ZCCHC7: variants seen among roughly 807,000 people sequenced by gnomAD.
The protein encoded by ZCCHC7 is zinc finger CCHC-type containing 7, also known as zinc finger CCHC domain-containing protein 7.
ZCCHC7 carries 35 observed loss-of-function variants against 52.0 expected under a neutral mutation model. The ratio of observed to expected loss-of-function variants is 0.67; its 90% CI spans 0.51 to 0.89. The LOEUF (loss-of-function observed/expected upper bound fraction) is 0.89, where lower values mean the gene tolerates loss of function less well. ZCCHC7 is among the 40% of genes least tolerant of loss of function. ZCCHC7 has a pLI of 0.00. For synonymous variants in ZCCHC7, 217 were observed against 221.5 expected, an observed-to-expected ratio of 0.98 and a Z score of 0.18; for missense variants, 574 against 649.1, an observed-to-expected ratio of 0.88 and a Z score of 1.26.
chr9:37,276,683 T>A (rs139704922), intron 2 of ZCCHC7, among the ~76,000 whole-genome samples: 1 of 152,184 alleles, frequency 6.6e-6, no homozygotes, highest in Non-Finnish European at 1.5e-5. Context: ...GAAATTAGAA[T>A]CTCATATAAT....
chr9:37,268,975 A>C (rs1357310493), intron 2 of ZCCHC7, among the ~76,000 whole-genome samples: 1 of 152,240 alleles, frequency 6.6e-6, no homozygotes, highest in African/African-American at 2.4e-5. Context: ...ATGGAGGCCA[A>C]GGAAGGCTTT....
At chr9:37,259,104 A>G (rs1466340825) in intron 2 of ZCCHC7, among the ~76,000 whole-genome samples, 1 of 152,224 alleles carries the variant, frequency 6.6e-6, no homozygotes, top group East Asian at 1.9e-4. Context: ...TTAGCGTCTA[A>G]TGGTCGGGGC....
chr9:37,267,399 G>A (rs186339685), intron 2 of ZCCHC7, among the ~76,000 whole-genome samples: 383 of 150,638 alleles, frequency 2.5e-3, no homozygotes, highest in Non-Finnish European at 3.3e-3. Context: ...ATTTGGTGGT[G>A]GGGGGGAGAC....
At chr9:37,307,427 C>T (rs957299489) in intron 5 of ZCCHC7, among the ~76,000 whole-genome samples, 9 of 152,040 alleles carry the variant, frequency 5.9e-5, no homozygotes, top group African/African-American at 1.9e-4. Flanking sequence ...AGTACAAAGT[C>T]ATTTTTCATC....
intron 2 of ZCCHC7, chr9:37,205,195 C>T (rs1357943238): frequency 1.6e-5 from 6 of 376,922 alleles, no homozygotes; most frequent in African/African-American, 1.1e-4. Context: ...ACAACAATGC[C>T]AACAGCGTGC....
intron 2 of ZCCHC7, among the ~76,000 whole-genome samples, chr9:37,261,330 G>A (rs180764465): frequency 3.7e-4 from 56 of 152,284 alleles, no homozygotes; most frequent in African/African-American, 1.2e-3. Flanking sequence ...AGGTAAAGAC[G>A]TCAAAGTCAA....
intron 2 of ZCCHC7, among the ~76,000 whole-genome samples, chr9:37,209,046 ATT>A (rs1389275149): frequency 6.8e-6 from 1 of 147,208 alleles, no homozygotes; most frequent in Admixed American, 6.8e-5. Flanking sequence ...TACAACCGCA[ATT>A]TTTTTTTTTT....
At chr9:37,268,142 A>AT (rs1333615884) in intron 2 of ZCCHC7, among the ~76,000 whole-genome samples, 1 of 152,176 alleles carries the variant, frequency 6.6e-6, no homozygotes. Context: ...TGTGTTTCAG[A>AT]TTTTTTGTTC....
chr9:37,162,353 C>T (rs1327265996), intron 2 of ZCCHC7, among the ~76,000 whole-genome samples: 1 of 152,074 alleles, frequency 6.6e-6, no homozygotes, highest in Non-Finnish European at 1.5e-5. Flanking sequence ...CCTAAATCTC[C>T]AGAAGTCCCT....
intron 2 of ZCCHC7, among the ~76,000 whole-genome samples, chr9:37,211,901 G>A (rs998105706): frequency 4.0e-5 from 6 of 151,422 alleles, no homozygotes; most frequent in African/African-American, 1.5e-4. Flanking sequence ...AGTGGCAGGC[G>A]CCTGTAGTCC....
chr9:37,324,987 G>A (rs1188311239), intron 5 of ZCCHC7, among the ~76,000 whole-genome samples: 1 of 152,192 alleles, frequency 6.6e-6, no homozygotes, highest in Non-Finnish European at 1.5e-5. Context: ...AACAACAGAT[G>A]CACTAAGCCG....
intron 6 of ZCCHC7, among the ~76,000 whole-genome samples, chr9:37,340,271 G>T (rs532674565): frequency 6.6e-6 from 1 of 152,184 alleles, no homozygotes; most frequent in African/African-American, 2.4e-5. Context: ...TGCATGAAAA[G>T]CTTTCAGCAA....
chr9:37,295,038 G>C (rs1296032835), intron 2 of ZCCHC7, among the ~76,000 whole-genome samples: 3 of 152,170 alleles, frequency 2.0e-5, no homozygotes, highest in African/African-American at 7.2e-5. Flanking sequence ...ATCATGCTTT[G>C]ATGTTTGGAA....
intron 2 of ZCCHC7, among the ~76,000 whole-genome samples, chr9:37,180,857 A>C (rs554788952): frequency 6.6e-6 from 1 of 152,146 alleles, no homozygotes; most frequent in Non-Finnish European, 1.5e-5. Flanking sequence ...AAGTGAGACT[A>C]TATAAGATAT....
At chr9:37,260,912 T>A (rs1826836171) in intron 2 of ZCCHC7, among the ~76,000 whole-genome samples, 1 of 152,238 alleles carries the variant, frequency 6.6e-6, no homozygotes, top group Non-Finnish European at 1.5e-5. Context: ...TGATTTAGTT[T>A]GCTGTGTTTT....
intron 2 of ZCCHC7, among the ~76,000 whole-genome samples, chr9:37,174,262 T>A (rs1380672858): frequency 6.6e-6 from 1 of 151,928 alleles, no homozygotes; most frequent in Admixed American, 6.6e-5. Context: ...TGAGCTGAGA[T>A]CACACCACTG....
At chr9:37,164,553 GAGAA>G (rs570327204) in intron 2 of ZCCHC7, among the ~76,000 whole-genome samples, 8 of 152,014 alleles carry the variant, frequency 5.3e-5, no homozygotes, top group Admixed American at 3.9e-4. Context: ...AGGGAAAGGA[GAGAA>G]AGAAAAGAAA....
At chr9:37,244,262 G>A (rs376460545) in intron 2 of ZCCHC7, among the ~76,000 whole-genome samples, 1 of 149,334 alleles carries the variant, frequency 6.7e-6, no homozygotes. Context: ...AAAAAAAAAA[G>A]AAAGAAAGAA....
chr9:37,282,369 C>T (rs1161001479), intron 2 of ZCCHC7, among the ~76,000 whole-genome samples: 3 of 151,890 alleles, frequency 2.0e-5, no homozygotes, highest in Non-Finnish European at 2.9e-5. Flanking sequence ...TTTGGGAGGC[C>T]GAGACAGGCG....
Sources: allele counts gnomAD v4.1 joint callset (sites outside exome capture counted in the v4.1 genomes callset), GRCh38; gene constraint gnomAD v4.1.1; transcripts MANE v1.5; gene names NCBI Gene and HGNC (gene_info 2026-07-23, HGNC 2026-07-21).